FGF13: variants seen among roughly 807,000 people sequenced by gnomAD.
FGF13 encodes fibroblast growth factor 13.
Under a neutral mutation model 19.5 loss-of-function variants are expected in FGF13, and 2 were observed. That is an observed-to-expected ratio of 0.10 (90% CI 0.04 to 0.32). The LOEUF is 0.32. Ranked by LOEUF, FGF13 falls within the 10% of genes least tolerant of loss-of-function variation. The pLI, the probability that FGF13 is intolerant of heterozygous loss-of-function variation, is 1.00. For missense variants in FGF13, 113 were observed against 192.7 expected (o/e 0.59, Z 2.45); for synonymous variants, 72 against 76.9 (o/e 0.94, Z 0.33).
chrX:138,828,554 A>G (rs995403043), intron 3 of FGF13, among the ~76,000 whole-genome samples: 37 of 101,477 alleles, frequency 3.6e-4, no homozygotes, highest in African/African-American at 1.0e-3. Context: ...TGGGCGACAG[A>G]GCGAGACTCC....
intron 1 of FGF13, among the ~76,000 whole-genome samples, chrX:138,909,279 G>A (rs2091574993): frequency 8.9e-6 from 1 of 111,946 alleles, no homozygotes; most frequent in Non-Finnish European, 1.9e-5. Flanking sequence ...CTTGAGGGTA[G>A]ATGTAGAAGC....
intron 1 of FGF13, among the ~76,000 whole-genome samples, chrX:139,170,520 C>G (rs192474578): frequency 8.9e-6 from 1 of 111,781 alleles, no homozygotes; most frequent in Non-Finnish European, 1.9e-5. Context: ...TCATAGACCA[C>G]TGGGACTTTG....
At chrX:139,197,993 C>CAAAAAA (rs57335781) in intron 1 of FGF13, among the ~76,000 whole-genome samples, 2 of 23,286 alleles carry the variant, frequency 8.6e-5, no homozygotes, top group Admixed American at 5.3e-4. Context: ...GACCCTACCT[C>CAAAAAA]AAAAAAAAAA....
At chrX:139,109,367 C>T (rs2083584718) in intron 1 of FGF13, among the ~76,000 whole-genome samples, 4 of 111,503 alleles carry the variant, frequency 3.6e-5, no homozygotes. Context: ...CACTTTATTA[C>T]CAGCAAAGGG....
At chrX:139,135,678 C>G (rs1309500129) in intron 1 of FGF13, among the ~76,000 whole-genome samples, 1 of 111,585 alleles carries the variant, frequency 9.0e-6, no homozygotes. Context: ...TTTCCTGACT[C>G]TATGTGCCAT....
chrX:138,923,803 A>G (rs2091658646), intron 1 of FGF13, among the ~76,000 whole-genome samples: 1 of 111,687 alleles, frequency 9.0e-6, no homozygotes, highest in Non-Finnish European at 1.9e-5. Context: ...TCCTCTACTT[A>G]GAATGCTTTT....
intron 1 of FGF13, among the ~76,000 whole-genome samples, chrX:139,140,638 T>C (rs754664722): frequency 1.8e-5 from 2 of 111,223 alleles, no homozygotes; most frequent in East Asian, 5.7e-4. Flanking sequence ...TCCCTTAGGG[T>C]CTATTTCAAC....
chrX:138,743,014 G>A (rs898538026), upstream of FGF13, among the ~76,000 whole-genome samples: 12 of 111,355 alleles, frequency 1.1e-4, no homozygotes, highest in Non-Finnish European at 1.1e-4. Context: ...ATGGGAGTAA[G>A]GACAGATATA....
At chrX:138,845,573 A>C (rs996107209) in intron 3 of FGF13, among the ~76,000 whole-genome samples, 5 of 111,706 alleles carry the variant, frequency 4.5e-5, no homozygotes, top group African/African-American at 1.6e-4. Context: ...ATTTAAATGG[A>C]GTCCTGACTG....
At chrX:138,790,328 C>A (rs1433220254) in intron 3 of FGF13, among the ~76,000 whole-genome samples, 2 of 109,505 alleles carry the variant, frequency 1.8e-5, no homozygotes, top group African/African-American at 6.7e-5. Flanking sequence ...AAATTACCTC[C>A]CAAAGGCACC....
chrX:138,968,594 T>C (rs747889857), intron 1 of FGF13, among the ~76,000 whole-genome samples: 3 of 112,462 alleles, frequency 2.7e-5, no homozygotes, highest in South Asian at 3.7e-4. Flanking sequence ...AGAAAAGATA[T>C]AGTCCTGTTA....
intron 3 of FGF13, 63 bp downstream of exon 3, chrX:138,702,921 C>A (rs1039441190): frequency 2.6e-6 from 2 of 776,432 alleles, no homozygotes; most frequent in African/African-American, 4.1e-5. Context: ...ATATAAAGCA[C>A]ATTTTCTTTC....
intron 1 of FGF13, among the ~76,000 whole-genome samples, chrX:139,003,469 G>A (rs1054491882): frequency 9.0e-6 from 1 of 111,726 alleles, no homozygotes; most frequent in Non-Finnish European, 1.9e-5. Context: ...ATGCTGGCTC[G>A]GGCAGCCTGC....
intron 1 of FGF13, among the ~76,000 whole-genome samples, chrX:138,734,004 G>T (rs912273927): frequency 4.5e-5 from 5 of 110,939 alleles, no homozygotes; most frequent in African/African-American, 1.7e-4. Context: ...ATAGGACAGG[G>T]TCATGATGTG....
At chrX:139,010,780 G>A (rs748635924) in intron 1 of FGF13, among the ~76,000 whole-genome samples, 9 of 109,439 alleles carry the variant, frequency 8.2e-5, no homozygotes, top group Non-Finnish European at 1.1e-4. Context: ...CCCAAACCCC[G>A]CAGAAGAAAA....
At chrX:139,103,368 C>T (rs1244104149) in intron 1 of FGF13, among the ~76,000 whole-genome samples, 3 of 112,159 alleles carry the variant, frequency 2.7e-5, no homozygotes, top group Admixed American at 1.9e-4. Flanking sequence ...GGTACTGATA[C>T]GTGCTACATG....
chrX:138,819,275 T>C (rs1234409827), intron 3 of FGF13, among the ~76,000 whole-genome samples: 1 of 111,151 alleles, frequency 9.0e-6, no homozygotes, highest in Non-Finnish European at 1.9e-5. Flanking sequence ...ATATCAATTA[T>C]ATAAACAAAA....
At chrX:138,759,433 A>T (rs2090451525) in intron 3 of FGF13, among the ~76,000 whole-genome samples, 1 of 112,629 alleles carries the variant, frequency 8.9e-6, no homozygotes, top group Non-Finnish European at 1.9e-5. Flanking sequence ...TGCTTTTCTC[A>T]TCACCTGTTT....
rs1239035876 is a variant in FGF13, at chrX:138,694,450, T to TA, written c.402+8533_402+8534insT. On this transcript the variant is annotated intron_variant, in intron 3 of 4. Coordinates refer to ENST00000315930, the MANE Select transcript of FGF13 (RefSeq NM_004114.5). ...TAATTTTTTCTTTTTTCTTTTCTTT[T>TA]CTTTTTTTTTTTTTTTTTGAGATGG... is the stretch of plus-strand genomic sequence containing the variant. Among the ~76,000 whole-genome samples, 722 of 104,887 alleles carry TA rather than the reference T, an allele frequency of 6.9e-3. 8 individuals are homozygous for TA. Among genetic ancestry groups the TA allele is most frequent in the African/African-American group, 0.023 (664 of 28,802 alleles). 91.1% of individuals were successfully genotyped at this position (104,887 alleles called of 115,157 possible). A position where few individuals can be genotyped will look rare whatever the true frequency, so the allele number is the denominator to read the frequency against.
Sources: gnomAD v4.1 joint callset for allele counts (sites outside exome capture counted in the v4.1 genomes callset) on GRCh38, gnomAD v4.1.1 for gene constraint, MANE v1.5 for transcripts, NCBI Gene and HGNC (gene_info 2026-07-23, HGNC 2026-07-21) for gene names.